The following TENM1 variants were observed in gnomAD, a reference collection of about 807,000 sequenced individuals.
The protein encoded by TENM1 is teneurin transmembrane protein 1, also known as teneurin-1.
In TENM1, 35 loss-of-function variants were observed where a neutral mutation model predicts 174.8. The ratio of observed to expected loss-of-function variants is 0.20; its 90% CI spans 0.15 to 0.27. The LOEUF (loss-of-function observed/expected upper bound fraction) is 0.27, where lower values mean the gene tolerates loss of function less well. TENM1 is among the 10% of genes least tolerant of loss of function. TENM1 has a pLI of 1.00. For missense variants in TENM1, 1,633 were observed against 2,130.1 expected (o/e 0.77, Z 4.59); for synonymous variants, 781 against 798.7 (o/e 0.98, Z 0.37).
exon 32 of TENM1, chrX:124,376,409 A>G (rs1263567328): frequency 8.9e-6 from 1 of 112,416 alleles, no homozygotes; most frequent in African/African-American, 3.2e-5. Flanking sequence ...TCATACAAGT[A>G]AAATATTTTT....
chrX:125,076,539 T>C, the TENM1 span, among the ~76,000 whole-genome samples: 1 of 111,177 alleles, frequency 9.0e-6, no homozygotes, highest in Non-Finnish European at 1.9e-5. Flanking sequence ...GGCATTTTTG[T>C]GTGCTGAGGC....
chrX:125,043,397 A>G, the TENM1 span, among the ~76,000 whole-genome samples: 1 of 81,680 alleles, frequency 1.2e-5, no homozygotes, highest in African/African-American at 4.6e-5. Flanking sequence ...TATGCAGCCA[A>G]AAAACACATG....
chrX:124,486,137 G>C (rs2046948917), intron 21 of TENM1, among the ~76,000 whole-genome samples: 1 of 111,491 alleles, frequency 9.0e-6, no homozygotes, highest in South Asian at 3.8e-4. Flanking sequence ...ACCTGAGAAA[G>C]AAAAAAACCA....
intron 22 of TENM1, 104 bp from the exon 26 acceptor site, chrX:124,453,595 C>T: frequency 1.3e-6 from 1 of 756,278 alleles, no homozygotes; most frequent in South Asian, 3.1e-5. Flanking sequence ...ATTTTAAAGA[C>T]ATATAGATTC....
At chrX:124,644,361 A>C (rs1271935982) in intron 10 of TENM1, among the ~76,000 whole-genome samples, 1 of 108,556 alleles carries the variant, frequency 9.2e-6, no homozygotes, top group East Asian at 2.9e-4. Context: ...AGCCATCTTT[A>C]AAAAGCAATT....
At chrX:124,627,331 C>T (rs1271845256) in intron 11 of TENM1, among the ~76,000 whole-genome samples, 1 of 111,839 alleles carries the variant, frequency 8.9e-6, no homozygotes, top group Non-Finnish European at 1.9e-5. Flanking sequence ...AAATTCTGGC[C>T]AAGTTAATGT....
chrX:125,189,913 G>A, the TENM1 span, among the ~76,000 whole-genome samples: 1 of 111,950 alleles, frequency 8.9e-6, no homozygotes, highest in East Asian at 2.8e-4. Flanking sequence ...TGATTATACT[G>A]TAATTTTAAT....
At chrX:125,075,933 C>A in the TENM1 span, among the ~76,000 whole-genome samples, 1 of 111,398 alleles carries the variant, frequency 9.0e-6, no homozygotes, top group African/African-American at 3.3e-5. Context: ...ATATCTTACA[C>A]CTCAAAATGA....
intron 5 of TENM1, among the ~76,000 whole-genome samples, chrX:124,688,135 CTCTCT>C (rs1225514180): frequency 9.6e-6 from 1 of 103,657 alleles, no homozygotes; most frequent in Non-Finnish European, 2.0e-5. Context: ...CTCTCCTCTC[CTCTCT>C]TCTCTTCTCA....
rs370854511 is a variant in TENM1, at chrX:124,495,907, G to A, written c.3695+1109C>T. 8.8e-5 allele frequency among the ~76,000 whole-genome samples: 9 copies of A among 102,149 alleles called. No individual in the cohort carries two copies. In the East Asian group the frequency reaches 1.2e-3, roughly 14 times the overall value. The allele number at this position is 102,149 out of a possible 115,157, so 88.7% of individuals were successfully genotyped here. A position where few individuals can be genotyped will look rare whatever the true frequency, so the allele number is the denominator to read the frequency against. On this transcript the variant is annotated intron_variant, in intron 20 of 31. Coordinates refer to ENST00000422452, the Ensembl canonical transcript of TENM1. ...ATGGAACCAAAAAAGAGCCCGCATCGCCAAGTCAATCCTAAGCCAAAAGAA... is the reference window on the plus strand; with the variant it reads ...ATGGAACCAAAAAAGAGCCCGCATCACCAAGTCAATCCTAAGCCAAAAGAA...
At chrX:125,166,177 G>A in the TENM1 span, among the ~76,000 whole-genome samples, 1 of 110,949 alleles carries the variant, frequency 9.0e-6, no homozygotes, top group Admixed American at 9.6e-5. Context: ...TAAGTTCAAA[G>A]GAAACAATTT....
intron 1 of TENM1, among the ~76,000 whole-genome samples, chrX:124,944,526 C>T (rs1172749935): frequency 9.0e-6 from 1 of 111,068 alleles, no homozygotes; most frequent in Non-Finnish European, 1.9e-5. Flanking sequence ...ACAACAACAA[C>T]ACTAATAATA....
intron 14 of TENM1, among the ~76,000 whole-genome samples, chrX:124,553,635 A>C (rs970613234): frequency 2.7e-5 from 3 of 109,981 alleles, no homozygotes; most frequent in South Asian, 3.9e-4. Context: ...AAAAAAAAAA[A>C]AAAAAAAAAC....
the TENM1 span, among the ~76,000 whole-genome samples, chrX:125,090,675 C>A: frequency 1.8e-5 from 2 of 110,907 alleles, no homozygotes; most frequent in East Asian, 5.7e-4. Context: ...CATGCAAACA[C>A]AGCCATGAAA....
At chrX:124,405,316 G>A in intron 26 of TENM1, 50 bp from the exon 30 acceptor site, 1 of 1,067,348 alleles carries the variant, frequency 9.4e-7, no homozygotes, top group South Asian at 1.9e-5. Context: ...GGGAAGAGCA[G>A]GAAGCAGAAA....
intron 1 of TENM1, among the ~76,000 whole-genome samples, chrX:124,898,364 T>C (rs1224072025): frequency 9.0e-6 from 1 of 111,238 alleles, no homozygotes; most frequent in Non-Finnish European, 1.9e-5. Flanking sequence ...AAACTTATCA[T>C]GGCATTACCA....
intron 22 of TENM1, among the ~76,000 whole-genome samples, chrX:124,477,535 C>T (rs899333053): frequency 2.7e-5 from 3 of 110,866 alleles, no homozygotes; most frequent in African/African-American, 9.7e-5. Context: ...GGGCGGATCA[C>T]GAGGTCAGGA....
the TENM1 span, among the ~76,000 whole-genome samples, chrX:124,993,611 G>C: frequency 9.0e-6 from 1 of 110,514 alleles, no homozygotes; most frequent in Admixed American, 9.7e-5. Flanking sequence ...GAGGATGAGA[G>C]GAAGCTACTT....
At chrX:124,822,233 T>C (rs2056054766) in intron 3 of TENM1, among the ~76,000 whole-genome samples, 1 of 112,042 alleles carries the variant, frequency 8.9e-6, no homozygotes, top group African/African-American at 3.2e-5. Context: ...ACAATGGTTT[T>C]AGAGGATGAT....
Sources: gnomAD v4.1 joint callset for allele counts (sites outside exome capture counted in the v4.1 genomes callset) on GRCh38, gnomAD v4.1.1 for gene constraint, MANE v1.5 for transcripts, NCBI Gene and HGNC (gene_info 2026-07-23, HGNC 2026-07-21) for gene names.